Variants in VSIR observed in about 807,000 individuals in gnomAD.
The protein encoded by VSIR is V-set immunoregulatory receptor.
VSIR carries 10 observed loss-of-function variants against 31.0 expected under a neutral mutation model. The ratio of observed to expected loss-of-function variants is 0.32; its 90% CI spans 0.20 to 0.55. The LOEUF is 0.55. Ranked by LOEUF, VSIR falls within the 20% of genes least tolerant of loss-of-function variation. VSIR has a pLI of 0.93. For missense variants in VSIR, 356 were observed against 416.2 expected (o/e 0.86, Z 1.26); for synonymous variants, 179 against 180.1 (o/e 0.99, Z 0.05).
In VSIR at chr10:71,749,807, A is replaced by T. The variant is rs573066960; in HGVS notation, c.*1446T>A. The T allele has an allele frequency of 6.6e-6, 1 of 151,908 alleles. No homozygotes were observed. Among genetic ancestry groups the T allele is most frequent in the Non-Finnish European group, 1.5e-5 (1 of 68,106 alleles). The allele number at this position is 151,908 out of a possible 1,614,324, so 9.4% of individuals were successfully genotyped here. On this transcript the variant is annotated 3_prime_UTR_variant, in exon 7 of 7. Coordinates refer to ENST00000394957, the MANE Select transcript of VSIR (RefSeq NM_022153.2). ...CAGCCTAGAGGTGCTCCCCTTTTCCATCCCCCCAACCCCCCAAGCAATTGG... is the reference window on the plus strand; with the variant it reads ...CAGCCTAGAGGTGCTCCCCTTTTCCTTCCCCCCAACCCCCCAAGCAATTGG...
rs1487599802 is a variant in VSIR, at chr10:71,759,818, T to TACACACACACACACACACAC, written c.568+1049_568+1050insGTGTGTGTGTGTGTGTGTGT. ...CAGAGTGAAACCGTGTTTCAGAAAA[T>TACACACACACACACACACAC]ATACACACACACACACACACACACA... On this transcript the variant is annotated intron_variant, in intron 3 of 6. Coordinates refer to ENST00000394957, the MANE Select transcript of VSIR (RefSeq NM_022153.2). Among the ~76,000 whole-genome samples the TACACACACACACACACACAC allele has an allele frequency of 1.3e-3, 64 of 50,798 alleles. 5 individuals are homozygous for TACACACACACACACACACAC. The highest frequency in any genetic ancestry group is 4.7e-3 in the African/African-American group (62 of 13,304). The allele number at this position is 50,798 out of a possible 152,430, so 33.3% of individuals were successfully genotyped here. A position where few individuals can be genotyped will look rare whatever the true frequency, so the allele number is the denominator to read the frequency against.
chr10:71,758,090 T>C (rs541160460), intron 3 of VSIR, among the ~76,000 whole-genome samples: 8 of 152,310 alleles, frequency 5.3e-5, no homozygotes, highest in African/African-American at 1.9e-4. Context: ...TCCCAGCACT[T>C]TGGGGAGCCA....
At chr10:71,755,821 G>A (rs1840127902) in intron 3 of VSIR, among the ~76,000 whole-genome samples, 1 of 152,158 alleles carries the variant, frequency 6.6e-6, no homozygotes. Flanking sequence ...CAGGGCCTTC[G>A]CAGACCCCAT....
chr10:71,760,964 GC>G, intron 2 of VSIR, 40 bp from the exon 3 acceptor site: 1 of 1,600,434 alleles, frequency 6.2e-7, no homozygotes, highest in African/African-American at 1.3e-5. Flanking sequence ...TGGGTGTCAG[GC>G]CCAGGAGGCC....
rs759212463 is a variant in VSIR, at chr10:71,752,980, C to T, written c.699G>A (p.Met233Ile). Residue 233 changes from methionine (M) to isoleucine (I), a missense_variant, in exon 5 of 7, where the codon ATG becomes ATA. Physicochemically the swap from Met to Ile is conservative, Grantham distance 10. Coordinates refer to ENST00000394957, the MANE Select transcript of VSIR (RefSeq NM_022153.2). ...AAGGTCTCCATGGGCCTTACCTGTCCATCCGCACCAGCTCCTGGGCACCTA... is the reference window on the plus strand; with the variant it reads ...AAGGTCTCCATGGGCCTTACCTGTCTATCCGCACCAGCTCCTGGGCACCTA... Reference protein sequence around the residue: ...SNRRAQELVRMDSNIQGIENP... With the variant: ...SNRRAQELVRIDSNIQGIENP... 1.2e-6 allele frequency: 2 copies of T among 1,613,034 alleles called. No homozygotes were observed. The highest frequency in any genetic ancestry group is 1.1e-5 in the South Asian group (1 of 90,792).
chr10:71,767,951 G>A (rs967301267), intron 1 of VSIR, among the ~76,000 whole-genome samples: 2 of 152,140 alleles, frequency 1.3e-5, no homozygotes, highest in African/African-American at 2.4e-5. Context: ...CAGAGGTCCC[G>A]GCCCGTGGAT....
chr10:71,754,809 A>AAGCTCTGAGATTGAGTCCT (rs1018820855), intron 4 of VSIR, among the ~76,000 whole-genome samples: 1 of 152,162 alleles, frequency 6.6e-6, no homozygotes, highest in African/African-American at 2.4e-5. Flanking sequence ...CATGCGTTGA[A>AAGCTCTGAGATTGAGTCCT]AGCTCTGAGA....
Position 71,761,878 on chromosome 10 carries a change from C to T in VSIR, c.231G>A (p.Arg77=), listed in dbSNP as rs761294670. 2 of 1,614,136 alleles carry T rather than the reference C, an allele frequency of 1.2e-6. No individual in the cohort carries two copies. The highest frequency in any genetic ancestry group is 2.2e-5 in the East Asian group (1 of 44,882). The change falls in exon 2 of 7, where the codon AGG becomes AGA. Residue 77 remains arginine (R), a synonymous_variant. Transcript: ENST00000394957. ...GCTCTGAGCAGGTCTGCACCTCGCCCCTCGAGCTGCGGTACCACGTCTTGT... is the reference window on the plus strand; with the variant it reads ...GCTCTGAGCAGGTCTGCACCTCGCCTCTCGAGCTGCGGTACCACGTCTTGT... The part of the protein sequence containing the change: ...TFYKTWYRSS[R]GEVQTCSERR...
intron 4 of VSIR, 113 bp downstream of exon 4, chr10:71,755,246 A>G: frequency 2.0e-6 from 2 of 990,238 alleles, no homozygotes; most frequent in Non-Finnish European, 3.0e-6. Flanking sequence ...CCAACTCTCA[A>G]ATGAAAAGGA....
chr10:71,755,474 G>A lies in VSIR; in HGVS notation c.569-8C>T, dbSNP rs1216827496. On this transcript the variant is annotated splice_polypyrimidine_tract_variant and splice_region_variant and intron_variant, in intron 3 of 6. Coordinates refer to ENST00000394957, the MANE Select transcript of VSIR (RefSeq NM_022153.2). ...GGGCTGCAGCCGTGATGTCTGAAAG[G>A]GCAGAGAGGTAGCCAAGGTGAAGCC... 1 of 1,606,848 alleles carries A rather than the reference G, an allele frequency of 6.2e-7. No individual in the cohort carries two copies.
Position 71,747,802 on chromosome 10 carries a change from A to G in VSIR, c.*3451T>C, listed in dbSNP as rs919914071. The G allele has an allele frequency of 6.6e-6, 1 of 152,278 alleles. No homozygotes were observed. Among genetic ancestry groups the G allele is most frequent in the Non-Finnish European group, 1.5e-5 (1 of 68,066 alleles). 9.4% of individuals were successfully genotyped at this position (152,278 alleles called of 1,614,324 possible). A position where few individuals can be genotyped will look rare whatever the true frequency, so the allele number is the denominator to read the frequency against. On this transcript the variant is annotated 3_prime_UTR_variant, in exon 7 of 7. Transcript: ENST00000394957. ...GTGCCCAAGGCAGACATGGCTATCT[A>G]TCTCGGCACTGTCTCACCAAGCTAT...
chr10:71,769,477 T>C (rs1446370492), intron 1 of VSIR, among the ~76,000 whole-genome samples: 1 of 152,090 alleles, frequency 6.6e-6, no homozygotes, highest in Non-Finnish European at 1.5e-5. Context: ...AAAGAATGAG[T>C]AGATTTAAAG....
chr10:71,768,121 C>T (rs991623319), intron 1 of VSIR, among the ~76,000 whole-genome samples: 3 of 152,220 alleles, frequency 2.0e-5, no homozygotes, highest in African/African-American at 4.8e-5. Context: ...CTACTCTGTG[C>T]CAGGCATCAT....
chr10:71,755,272 T>C, intron 4 of VSIR, 87 bp downstream of exon 4: 1 of 1,172,564 alleles, frequency 8.5e-7, no homozygotes, highest in Admixed American at 2.2e-5. Context: ...GCCTGCATCG[T>C]GCCTTTGCGA....
At chr10:71,764,427 G>A (rs9415041) in intron 1 of VSIR, among the ~76,000 whole-genome samples, 101,396 of 152,060 alleles carry the variant, frequency 0.67, 34,211 homozygotes, top group South Asian at 0.77. Context: ...CAGAAACTGG[G>A]AGCCCACAGG....
Position 71,753,834 on chromosome 10 carries a change from A to G in VSIR, c.677-832T>C, listed in dbSNP as rs115008661. The G allele has an allele frequency of 4.8e-3, 2,209 of 456,436 alleles. 47 individuals are homozygous for G. The highest frequency in any genetic ancestry group is 0.041 in the African/African-American group (2,045 of 50,168). The allele number at this position is 456,436 out of a possible 1,614,324, so 28.3% of individuals were successfully genotyped here. A position where few individuals can be genotyped will look rare whatever the true frequency, so the allele number is the denominator to read the frequency against. On this transcript the variant is annotated intron_variant, in intron 4 of 6. Coordinates refer to ENST00000394957, the MANE Select transcript of VSIR (RefSeq NM_022153.2). ...GGGAAGTTACCCAAAAGTTCCTGAAATCTATTCAAACCATGGCTATTGCTT... is the reference window on the plus strand; with the variant it reads ...GGGAAGTTACCCAAAAGTTCCTGAAGTCTATTCAAACCATGGCTATTGCTT...
In VSIR at chr10:71,760,149, GTGTA is replaced by G. The variant is rs200601061; in HGVS notation, c.568+715_568+718del. The stretch of plus-strand genomic sequence containing the variant: ...TATATATGTATATACATATATATGT[GTGTA>G]TATATATGTATATACATATATATGT... On this transcript the variant is annotated intron_variant, in intron 3 of 6. Transcript: ENST00000394957. Among the ~76,000 whole-genome samples the G allele has an allele frequency of 5.3e-4, 5 of 9,378 alleles. 1 individual carries two copies. The highest frequency in any genetic ancestry group is 1.0e-3 in the Non-Finnish European group (4 of 3,832). The allele number at this position is 9,378 out of a possible 152,430, so 6.2% of individuals were successfully genotyped here. A position where few individuals can be genotyped will look rare whatever the true frequency, so the allele number is the denominator to read the frequency against.
intron 1 of VSIR, among the ~76,000 whole-genome samples, chr10:71,767,148 A>AGG (rs1299649510): frequency 6.6e-5 from 10 of 152,332 alleles, no homozygotes; most frequent in Admixed American, 5.9e-4. Flanking sequence ...TACAAGGGAA[A>AGG]GGAGCTCTTG....
At chr10:71,769,806 G>A (rs1238187063) in intron 1 of VSIR, among the ~76,000 whole-genome samples, 3 of 152,246 alleles carry the variant, frequency 2.0e-5, no homozygotes, top group Non-Finnish European at 4.4e-5. Flanking sequence ...TTGGATTACT[G>A]ATGAGAAAGA....
Sources: gnomAD v4.1 joint callset for allele counts (sites outside exome capture counted in the v4.1 genomes callset) on GRCh38, gnomAD v4.1.1 for gene constraint, MANE v1.5 for transcripts, NCBI Gene and HGNC (gene_info 2026-07-23, HGNC 2026-07-21) for gene names.